TP53TG5: variants seen among roughly 807,000 people sequenced by gnomAD.
TP53TG5 encodes TP53-target gene 5 protein.
In TP53TG5, 17 loss-of-function variants were observed where a neutral mutation model predicts 30.0. The ratio of observed to expected loss-of-function variants is 0.57; its 90% CI spans 0.39 to 0.85. The LOEUF is 0.85. Ranked by LOEUF, TP53TG5 falls within the 40% of genes least tolerant of loss-of-function variation. The probability of loss-of-function intolerance (pLI) is 0.00; values close to 1 mark genes in which losing one functional copy is unlikely to be tolerated. For missense variants in TP53TG5, 338 were observed against 367.9 expected, an observed-to-expected ratio of 0.92 and a Z score of 0.67; for synonymous variants, 137 against 139.2, an observed-to-expected ratio of 0.98 and a Z score of 0.11.
intron 4 of TP53TG5, 147 bp from the exon 5 acceptor site, chr20:45,374,158 A>G: frequency 1.4e-6 from 1 of 722,290 alleles, no homozygotes; most frequent in Non-Finnish European, 2.4e-6. Flanking sequence ...CCTTTAAGCT[A>G]GACCCGGTGG....
At chr20:45,374,382 C>T (rs531313154) in intron 4 of TP53TG5, 26 of 630,552 alleles carry the variant, frequency 4.1e-5, no homozygotes, top group African/African-American at 2.2e-4. Flanking sequence ...AGCGATCCTC[C>T]GACCTCAGCC....
chr20:45,377,798 G>T (rs111664605), intron 1 of TP53TG5, among the ~76,000 whole-genome samples, 185 bp from the exon 2 acceptor site: 1 of 151,954 alleles, frequency 6.6e-6, no homozygotes, highest in Non-Finnish European at 1.5e-5. Context: ...AAAAATTAGC[G>T]AGGTGTGGTG....
In TP53TG5 at chr20:45,373,248, C is replaced by T. The variant is rs937044123; in HGVS notation, c.*659G>A. On this transcript the variant is annotated 3_prime_UTR_variant, in exon 5 of 5. Transcript: ENST00000372726. ...TGAGGTCTTCAGATTGAGGGTGGAC[C>T]TGCCATGTCACCCTGGAGCAGTAGA... is the stretch of plus-strand genomic sequence containing the variant. 1 of 153,606 alleles carries T rather than the reference C, an allele frequency of 6.5e-6. No individual in the cohort carries two copies. Among genetic ancestry groups the T allele is most frequent in the African/African-American group, 2.4e-5 (1 of 41,448 alleles). The allele number at this position is 153,606 out of a possible 1,614,324, so 9.5% of individuals were successfully genotyped here.
Position 45,374,000 on chromosome 20 carries a change from G to A in TP53TG5, c.780C>T (p.Thr260=), listed in dbSNP as rs758979799. ...TGCTCGCACCTCTGGCTCTCGTCCA[G>A]GTCACATCAACCTGCCAGCAGAAAC... The part of the protein sequence containing the change: ...PMWHPYKVDV[T]WTRARGASRG... The change falls in exon 5 of 5, where the codon ACC becomes ACT. Residue 260 remains threonine, a synonymous_variant. Transcript: ENST00000372726. 1.3e-5 allele frequency: 21 copies of A among 1,613,876 alleles called. No individual in the cohort carries two copies. The East Asian group carries it at 4.7e-4, about 36-fold the overall frequency.
At chr20:45,374,352 A>T (rs779634352) in intron 4 of TP53TG5, 69 of 667,788 alleles carry the variant, frequency 1.0e-4, no homozygotes, top group Middle Eastern at 3.9e-4. Context: ...AGCTCACTGC[A>T]GCCTCGACTC....
rs760680260 is a variant in TP53TG5, at chr20:45,375,258, T to G, written c.549A>C (p.Arg183=). 5.6e-6 allele frequency: 9 copies of G among 1,614,010 alleles called. No individual in the cohort carries two copies. The highest frequency in any genetic ancestry group is 7.6e-6 in the Non-Finnish European group (9 of 1,180,020). Residue 183 remains arginine (R), a synonymous_variant, in exon 4 of 5, where the codon CGA becomes CGC. Coordinates refer to ENST00000372726, the MANE Select transcript of TP53TG5 (RefSeq NM_014477.3). ...QGRQPLTEGP[R]VIFIKPYRNR... The stretch of plus-strand genomic sequence containing the variant: ...TGCGGTAGGGCTTAATGAAGATGAC[T>G]CGGGGGCCCTCGGTGAGTGGTTGCC...
At chr20:45,376,887 G>A in intron 3 of TP53TG5, 1 of 225,326 alleles carries the variant, frequency 4.4e-6, no homozygotes, top group Non-Finnish European at 8.8e-6. Context: ...GGAGGAGGAG[G>A]AGGAGTAACC....
At position 45,375,177 on chromosome 20, in the gene TP53TG5, C is replaced by T. The variant is rs146225469; in HGVS notation, c.630G>A (p.Trp210Ter). 2 of 1,614,176 alleles carry T rather than the reference C, an allele frequency of 1.2e-6. No homozygotes were observed. Among genetic ancestry groups the T allele is most frequent in the Non-Finnish European group, 1.7e-6 (2 of 1,180,024 alleles). Residue 210 changes from tryptophan to a stop codon, truncating the protein, a stop_gained, in exon 4 of 5, where the codon TGG becomes TGA. Coordinates refer to ENST00000372726, the MANE Select transcript of TP53TG5 (RefSeq NM_014477.3). LOFTEE classifies it high-confidence loss of function. ...KQLDVADQWI[W>*]FEGLPTRIHL... ...GGATTCGTGTGGGCAGCCCCTCAAA[C>T]CAGATCCACTGGTCGGCTACATCCA...
chr20:45,377,630 AAG>A lies in TP53TG5; in HGVS notation c.49-19_49-18del, dbSNP rs1280543242. ...ATCTTGCATCTGAGGGACAGAGGAT[AAG>A]AGAGACATAAACCCAGAGGAATCAG... On this transcript the variant is annotated intron_variant, in intron 1 of 4. Transcript: ENST00000372726. 1 of 1,612,400 alleles carries A rather than the reference AAG, an allele frequency of 6.2e-7. No homozygotes were observed. The highest frequency in any genetic ancestry group is 1.1e-5 in the South Asian group (1 of 90,730).
chr20:45,377,955 T>C (rs1396446835), intron 1 of TP53TG5, among the ~76,000 whole-genome samples: 1 of 152,148 alleles, frequency 6.6e-6, no homozygotes, highest in Admixed American at 6.5e-5. Flanking sequence ...CCTCCTGAAC[T>C]CCTCCATGTG....
In TP53TG5 at chr20:45,377,258, A is replaced by G. The variant is rs1385639842; in HGVS notation, c.208T>C (p.Trp70Arg). The G allele has an allele frequency of 1.2e-6, 2 of 1,614,056 alleles. No homozygotes were observed. The highest frequency in any genetic ancestry group is 2.7e-5 in the African/African-American group (2 of 74,938). ...QELHKLAKRCWHSLLSVPKIL... is the reference protein window; with the variant it reads ...QELHKLAKRCRHSLLSVPKIL... The stretch of plus-strand genomic sequence containing the variant: ...TTTGGAACACTGAGCAGTGAATGCC[A>G]ACACCTTTTGGCCAGCTTATGCAGT... The change falls in exon 3 of 5, where the codon TGG becomes CGG. Residue 70 changes from tryptophan to arginine, a missense_variant. Physicochemically the swap from Trp to Arg is moderately radical, Grantham distance 101. Transcript: ENST00000372726.
intron 3 of TP53TG5, 77 bp downstream of exon 3, chr20:45,377,135 T>A: frequency 6.4e-7 from 1 of 1,555,602 alleles, no homozygotes; most frequent in Non-Finnish European, 8.7e-7. Context: ...AGACTTGTTC[T>A]CTAAATGCCT....
rs1176621862 is a variant in TP53TG5, at chr20:45,374,362, C to T, written c.769-351G>A. On this transcript the variant is annotated intron_variant, in intron 4 of 4. Transcript: ENST00000372726. ...GTCACAGCTCACTGCAGCCTCGACT[C>T]CTGGGCTTAAGCGATCCTCCGACCT... 6.1e-6 allele frequency: 4 copies of T among 657,472 alleles called. No homozygotes were observed. The Admixed American group carries it at 9.9e-5, about 16-fold the overall frequency. 40.7% of individuals were successfully genotyped at this position (657,472 alleles called of 1,614,324 possible).
Position 45,373,533 on chromosome 20 carries a change from C to A in TP53TG5, c.*374G>T, listed in dbSNP as rs1988620659. 1 of 275,956 alleles carries A rather than the reference C, an allele frequency of 3.6e-6. No homozygotes were observed. Among genetic ancestry groups the A allele is most frequent in the Non-Finnish European group, 7.0e-6 (1 of 142,734 alleles). 17.1% of individuals were successfully genotyped at this position (275,956 alleles called of 1,614,324 possible). On this transcript the variant is annotated 3_prime_UTR_variant, in exon 5 of 5. Transcript: ENST00000372726. ...TTTCTTGGGAAAATGGAATGGGGAGCAACCAGGAGCCCTTGCTCCTGCCAC... is the reference window on the plus strand; with the variant it reads ...TTTCTTGGGAAAATGGAATGGGGAGAAACCAGGAGCCCTTGCTCCTGCCAC...
chr20:45,377,604 C>G lies in TP53TG5; in HGVS notation c.58G>C (p.Glu20Gln), dbSNP rs768539600. Reference sequence around the variant, plus strand: ...TGCTCTGTCTCGTCCCGCAGTTTCTCATCTTGCATCTGAGGGACAGAGGAT... The same window carrying G: ...TGCTCTGTCTCGTCCCGCAGTTTCTGATCTTGCATCTGAGGGACAGAGGAT... ...KNSRVSKMQD[E>Q]KLRDETEQPV... Residue 20 changes from glutamate to glutamine, a missense_variant, in exon 2 of 5, where the codon GAG becomes CAG. Glu to Gln is a conservative substitution (Grantham distance 29, BLOSUM62 2). Coordinates refer to ENST00000372726, the MANE Select transcript of TP53TG5 (RefSeq NM_014477.3). 1 of 1,613,880 alleles carries G rather than the reference C, an allele frequency of 6.2e-7. No homozygotes were observed. Among genetic ancestry groups the G allele is most frequent in the Non-Finnish European group, 8.5e-7 (1 of 1,179,932 alleles).
chr20:45,373,698 G>A lies in TP53TG5; in HGVS notation c.*209C>T. The A allele has an allele frequency of 1.7e-6, 1 of 595,164 alleles. No individual in the cohort carries two copies. The highest frequency in any genetic ancestry group is 1.9e-5 in the African/African-American group (1 of 53,826). The allele number at this position is 595,164 out of a possible 1,614,324, so 36.9% of individuals were successfully genotyped here. A position where few individuals can be genotyped will look rare whatever the true frequency, so the allele number is the denominator to read the frequency against. On this transcript the variant is annotated 3_prime_UTR_variant, in exon 5 of 5. Transcript: ENST00000372726. ...CTGACTTCACAGAGCGCGCCACTCA[G>A]GAGACTAGCTCGCGGAGGTGGGGGA...
In TP53TG5 at chr20:45,375,223, G is replaced by A. The variant is rs990813180; in HGVS notation, c.584C>T (p.Pro195Leu). 2 of 1,614,060 alleles carry A rather than the reference G, an allele frequency of 1.2e-6. No homozygotes were observed. The part of the protein sequence containing the change: ...IFIKPYRNRT[P>L]MGHMKQLDVA... ...ATCCAGCTGCTTCATGTGCCCCATG[G>A]GAGTTCTATTGCGGTAGGGCTTAAT... The change falls in exon 4 of 5, where the codon CCC becomes CTC. Residue 195 changes from proline (P) to leucine (L), a missense_variant. By Grantham distance (98) the Pro-to-Leu change is moderately conservative (BLOSUM62 -3). Coordinates refer to ENST00000372726, the MANE Select transcript of TP53TG5 (RefSeq NM_014477.3).
At chr20:45,374,816 TCTC>T (rs1389753028) in intron 4 of TP53TG5, 1 of 589,818 alleles carries the variant, frequency 1.7e-6, no homozygotes, top group Admixed American at 3.2e-5. Context: ...CTTCCACACA[TCTC>T]CTAGCTGTAT....
chr20:45,375,095 G>A lies in TP53TG5; in HGVS notation c.712C>T (p.Arg238Cys), dbSNP rs745489076. ...RSSTLRWVKR[R>C]CTRFCSASLE... is the part of the protein sequence containing the mutation. ...GATGCGGAGCAGAAGCGGGTGCAGCGGCGCTTGACCCAACGCAGGGTGGAG... is the reference window on the plus strand; with the variant it reads ...GATGCGGAGCAGAAGCGGGTGCAGCAGCGCTTGACCCAACGCAGGGTGGAG... The change falls in exon 4 of 5, where the codon CGC (arginine) becomes TGC (cysteine). Residue 238 changes from arginine (R) to cysteine (C), a missense_variant. Physicochemically the swap from Arg to Cys is radical, Grantham distance 180. Transcript: ENST00000372726. 6.2e-6 allele frequency: 10 copies of A among 1,613,972 alleles called. No individual in the cohort carries two copies. Among genetic ancestry groups the A allele is most frequent in the Admixed American group, 3.3e-5 (2 of 60,010 alleles).
Sources: allele counts gnomAD v4.1 joint callset (sites outside exome capture counted in the v4.1 genomes callset), GRCh38; gene constraint gnomAD v4.1.1; transcripts MANE v1.5; gene names NCBI Gene and HGNC (gene_info 2026-07-23, HGNC 2026-07-21).